OLFML1: variants seen among roughly 807,000 people sequenced by gnomAD.
OLFML1 encodes the protein olfactomedin-like protein 1.
Under a neutral mutation model 37.3 loss-of-function variants are expected in OLFML1, and 33 were observed. That is an observed-to-expected ratio of 0.88 (90% CI 0.67 to 1.18). The LOEUF is 1.18. Among genes scored for constraint, OLFML1 ranks in the 50% most tolerant of loss-of-function variants. The pLI is 0.00. For synonymous variants in OLFML1, 186 were observed against 181.3 expected, an observed-to-expected ratio of 1.03 and a Z score of -0.21; for missense variants, 545 against 483.7, an observed-to-expected ratio of 1.13 and a Z score of -1.19.
chr11:7,503,177 A>G (rs550562573), intron 2 of OLFML1, among the ~76,000 whole-genome samples: 3 of 152,184 alleles, frequency 2.0e-5, no homozygotes, highest in South Asian at 2.1e-4. Flanking sequence ...CTGAAGATAC[A>G]AAGTTGGTAG....
Position 7,487,992 on chromosome 11 carries a change from T to C in OLFML1, c.130-135T>C, listed in dbSNP as rs1339287002. ...CAATACTACCTTTGAATTTAGGAAT[T>C]ATGGGAGATTTCAATTTTTCCCCTA... On this transcript the variant is annotated intron_variant, in intron 1 of 2. Transcript: ENST00000329293. The C allele has an allele frequency of 6.3e-6, 4 of 632,878 alleles. No individual in the cohort carries two copies. In the East Asian group the frequency reaches 1.1e-4, roughly 18 times the overall value. 39.2% of individuals were successfully genotyped at this position (632,878 alleles called of 1,614,324 possible).
chr11:7,501,908 G>A (rs994991271), intron 2 of OLFML1, among the ~76,000 whole-genome samples: 1 of 152,170 alleles, frequency 6.6e-6, no homozygotes, highest in Non-Finnish European at 1.5e-5. Flanking sequence ...CACTATCCAT[G>A]AAGTTGAAGG....
At chr11:7,508,583 A>G (rs373036662) in intron 2 of OLFML1, among the ~76,000 whole-genome samples, 4 of 152,356 alleles carry the variant, frequency 2.6e-5, no homozygotes, top group African/African-American at 9.6e-5. Context: ...AATAAGAAAG[A>G]ACCATGCCCA....
At chr11:7,504,250 G>A (rs1848755785) in intron 2 of OLFML1, among the ~76,000 whole-genome samples, 1 of 152,134 alleles carries the variant, frequency 6.6e-6, no homozygotes, top group Non-Finnish European at 1.5e-5. Context: ...CAAGGCAGGA[G>A]TGTGTTTGGT....
intron 2 of OLFML1, among the ~76,000 whole-genome samples, chr11:7,491,229 G>C (rs1342988573): frequency 2.0e-5 from 3 of 152,040 alleles, no homozygotes; most frequent in East Asian, 3.9e-4. Context: ...ATAGAGGTGA[G>C]GGGGCTGCCA....
intron 2 of OLFML1, among the ~76,000 whole-genome samples, chr11:7,508,861 T>C (rs1166142025): frequency 6.6e-6 from 1 of 152,180 alleles, no homozygotes; most frequent in African/African-American, 2.4e-5. Context: ...TCTTGGTAAA[T>C]GGAATTGAAT....
chr11:7,507,103 T>C (rs1251392743), intron 2 of OLFML1, among the ~76,000 whole-genome samples: 3 of 151,956 alleles, frequency 2.0e-5, no homozygotes, highest in African/African-American at 7.3e-5. Context: ...CTGGGAGGAG[T>C]TGACAGCACG....
Position 7,485,924 on chromosome 11 carries a change from G to A in OLFML1, c.49G>A (p.Ala17Thr). 2 of 1,613,976 alleles carry A rather than the reference G, an allele frequency of 1.2e-6. No individual in the cohort carries two copies. Among genetic ancestry groups the A allele is most frequent in the South Asian group, 2.2e-5 (2 of 91,070 alleles). The part of the protein sequence containing the change: ...GASALLVLFL[A>T]AFLPPPQCTQ... ...TTCTGCATTGCTGGTTCTGTTCCTT[G>A]CAGCTTTTCTGCCCCCGCCGCAGTG... The change falls in exon 1 of 3, where the codon GCA becomes ACA. Residue 17 changes from alanine (A) to threonine (T), a missense_variant. Ala to Thr is a moderately conservative substitution (Grantham distance 58). Transcript: ENST00000329293.
At position 7,488,250 on chromosome 11, in the gene OLFML1, G is replaced by T; in HGVS notation, c.253G>T (p.Val85Leu). 1.2e-6 allele frequency: 2 copies of T among 1,614,100 alleles called. No homozygotes were observed. The highest frequency in any genetic ancestry group is 1.7e-6 in the Non-Finnish European group (2 of 1,179,996). ...QTYTSEYKSA[V>L]GNLALRVERA... ...CTACACAAGTGAGTACAAGAGTGCA[G>T]TGGGTAACTTGGCACTGAGAGTTGA... The change falls in exon 2 of 3, where the codon GTG (valine) becomes TTG (leucine). Residue 85 changes from valine to leucine, a missense_variant. By Grantham distance (32) the Val-to-Leu change is conservative. Coordinates refer to ENST00000329293, the MANE Select transcript of OLFML1 (RefSeq NM_198474.4).
At chr11:7,502,314 G>A (rs957062645) in intron 2 of OLFML1, among the ~76,000 whole-genome samples, 1 of 152,234 alleles carries the variant, frequency 6.6e-6, no homozygotes, top group Non-Finnish European at 1.5e-5. Flanking sequence ...GCCACATTAT[G>A]TAGATTCCTT....
intron 1 of OLFML1, among the ~76,000 whole-genome samples, chr11:7,487,869 T>C (rs775278907): frequency 6.6e-6 from 1 of 152,160 alleles, no homozygotes; most frequent in Non-Finnish European, 1.5e-5. Context: ...AAAAAGATGA[T>C]ACAAAACATA....
In OLFML1 at chr11:7,511,132, C is replaced by T. The variant is rs1299749021; in HGVS notation, c.*944C>T. On this transcript the variant is annotated 3_prime_UTR_variant, in exon 3 of 3. Coordinates refer to ENST00000329293, the MANE Select transcript of OLFML1 (RefSeq NM_198474.4). Reference sequence around the variant, plus strand: ...CACCTACTCTTATAGTCAATGCGTTCATCGTTTCAGCCTAAAAATAATAGT... The same window carrying T: ...CACCTACTCTTATAGTCAATGCGTTTATCGTTTCAGCCTAAAAATAATAGT... The T allele has an allele frequency of 2.0e-5, 3 of 152,208 alleles. No individual in the cohort carries two copies. The highest frequency in any genetic ancestry group is 1.9e-4 in the East Asian group (1 of 5,200). 9.4% of individuals were successfully genotyped at this position (152,208 alleles called of 1,614,324 possible).
chr11:7,506,110 G>A (rs1848783210), intron 2 of OLFML1, among the ~76,000 whole-genome samples: 1 of 152,202 alleles, frequency 6.6e-6, no homozygotes, highest in African/African-American at 2.4e-5. Context: ...CTCTGTAGGA[G>A]AAGCTGGCTA....
intron 2 of OLFML1, among the ~76,000 whole-genome samples, chr11:7,490,471 G>A (rs1371177970): frequency 6.6e-6 from 1 of 152,118 alleles, no homozygotes; most frequent in African/African-American, 2.4e-5. Context: ...GGATCCCTGA[G>A]CTGTTTCTGG....
In OLFML1 at chr11:7,488,112, A is replaced by C. The variant is rs1848546867; in HGVS notation, c.130-15A>C. 1 of 1,583,856 alleles carries C rather than the reference A, an allele frequency of 6.3e-7. No individual in the cohort carries two copies. Among genetic ancestry groups the C allele is most frequent in the Admixed American group, 1.8e-5 (1 of 56,124 alleles). ...ATAACAAGCAATAATTTGCAAATTT[A>C]TTTTCTGACTGAAGCAAGGGCTGGA... On this transcript the variant is annotated splice_polypyrimidine_tract_variant and intron_variant, in intron 1 of 2. Coordinates refer to ENST00000329293, the MANE Select transcript of OLFML1 (RefSeq NM_198474.4).
In OLFML1 at chr11:7,509,393, G is replaced by T. The variant is rs368379209; in HGVS notation, c.419-5G>T. The T allele has an allele frequency of 5.7e-6, 9 of 1,586,710 alleles. No homozygotes were observed. Among genetic ancestry groups the T allele is most frequent in the Admixed American group, 5.4e-5 (3 of 55,850 alleles). On this transcript the variant is annotated splice_polypyrimidine_tract_variant and splice_region_variant and intron_variant, in intron 2 of 2. Coordinates refer to ENST00000329293, the MANE Select transcript of OLFML1 (RefSeq NM_198474.4). ...TAATCTCTCCTTTTTCTCCTGTTTG[G>T]CCAGGCTGTGACAACATGCTGATGG...
chr11:7,487,209 G>C (rs1848533837), intron 1 of OLFML1, among the ~76,000 whole-genome samples: 1 of 152,202 alleles, frequency 6.6e-6, no homozygotes, highest in Non-Finnish European at 1.5e-5. Context: ...TCCCACCCCA[G>C]TCCTGACCTG....
Position 7,510,386 on chromosome 11 carries a change from A to G in OLFML1, c.*198A>G. ...AGAGCTTAGATGAGAGCATATCATC[A>G]GGAAAGTTTCAACAATGTCCATTAC... On this transcript the variant is annotated 3_prime_UTR_variant, in exon 3 of 3. Coordinates refer to ENST00000329293, the MANE Select transcript of OLFML1 (RefSeq NM_198474.4). The G allele has an allele frequency of 1.8e-6, 1 of 552,398 alleles. No individual in the cohort carries two copies. Among genetic ancestry groups the G allele is most frequent in the South Asian group, 2.7e-5 (1 of 37,166 alleles). 34.2% of individuals were successfully genotyped at this position (552,398 alleles called of 1,614,324 possible). A position where few individuals can be genotyped will look rare whatever the true frequency, so the allele number is the denominator to read the frequency against.
At chr11:7,504,101 G>C (rs1848754437) in intron 2 of OLFML1, among the ~76,000 whole-genome samples, 1 of 152,180 alleles carries the variant, frequency 6.6e-6, no homozygotes, top group Non-Finnish European at 1.5e-5. Flanking sequence ...AGCTGGAGAA[G>C]AGGGTTGCCT....
Sources: allele counts gnomAD v4.1 joint callset (sites outside exome capture counted in the v4.1 genomes callset), GRCh38; gene constraint gnomAD v4.1.1; transcripts MANE v1.5; gene names NCBI Gene and HGNC (gene_info 2026-07-23, HGNC 2026-07-21).